The following GPHN variants were observed in gnomAD, a reference collection of about 807,000 sequenced individuals.
GPHN encodes gephyrin.
In GPHN, 17 loss-of-function variants were observed where a neutral mutation model predicts 95.5. That is an observed-to-expected ratio of 0.18 (90% CI 0.12 to 0.27). The LOEUF is 0.27. GPHN is among the 10% of genes least tolerant of loss of function. The pLI is 1.00. For missense variants in GPHN, 660 were observed against 978.1 expected, an observed-to-expected ratio of 0.67 and a Z score of 4.34; for synonymous variants, 320 against 322.5, an observed-to-expected ratio of 0.99 and a Z score of 0.08.
At chr14:67,003,249 C>T (rs1196704614) in intron 9 of GPHN, among the ~76,000 whole-genome samples, 1 of 151,606 alleles carries the variant, frequency 6.6e-6, no homozygotes, top group Non-Finnish European at 1.5e-5. Flanking sequence ...AAGCAATCAC[C>T]AGTTTATAAG....
At chr14:67,677,363 A>ATTTTTTTTTTTTTTTTTTTTTTTTTT in the GPHN span, 2 of 31,978 alleles carry the variant, frequency 6.3e-5, no homozygotes, top group Non-Finnish European at 5.1e-5. Flanking sequence ...TGTTTTTAGG[A>ATTTTTTTTTTTTTTTTTTTTTTTTTT]TTTTTTTTTT....
chr14:67,387,925 G>A, the GPHN span, among the ~76,000 whole-genome samples: 1 of 152,192 alleles, frequency 6.6e-6, no homozygotes, highest in Non-Finnish European at 1.5e-5. Flanking sequence ...AAGGTATGTT[G>A]TTAACCCTAA....
At chr14:67,209,819 GAAAAAAA>G in the GPHN span, among the ~76,000 whole-genome samples, 2 of 76,926 alleles carry the variant, frequency 2.6e-5, no homozygotes, top group Admixed American at 1.6e-4. Flanking sequence ...CTCCATCTCG[GAAAAAAA>G]AAAAAAAAAA....
At chr14:66,768,145 T>C (rs10148703) in intron 2 of GPHN, among the ~76,000 whole-genome samples, 46,037 of 151,700 alleles carry the variant, frequency 0.3, 11,450 homozygotes, top group African/African-American at 0.66. Context: ...TTACTAAAGA[T>C]AAAACTGAGT....
At chr14:67,089,263 A>G (rs2077054405) in intron 12 of GPHN, among the ~76,000 whole-genome samples, 188 bp downstream of exon 12, 1 of 150,790 alleles carries the variant, frequency 6.6e-6, no homozygotes, top group African/African-American at 2.4e-5. Flanking sequence ...TGCACCTGTA[A>G]ATTTTCTGGC....
chr14:66,920,540 T>G (rs2066163562), intron 6 of GPHN, among the ~76,000 whole-genome samples: 1 of 151,940 alleles, frequency 6.6e-6, no homozygotes, highest in Admixed American at 6.6e-5. Context: ...ATGCTTTTTT[T>G]TTTTTTAGAG....
intron 2 of GPHN, among the ~76,000 whole-genome samples, chr14:66,747,637 G>A (rs2058204320): frequency 6.6e-6 from 1 of 151,006 alleles, no homozygotes; most frequent in Non-Finnish European, 1.5e-5. Context: ...AACTGCCCCA[G>A]AGTTAATGTT....
the GPHN span, among the ~76,000 whole-genome samples, chr14:67,341,510 G>GT: frequency 6.6e-6 from 1 of 151,660 alleles, no homozygotes; most frequent in Non-Finnish European, 1.5e-5. Flanking sequence ...CGGGAGGGAG[G>GT]TGGGGGGGGT....
At chr14:67,224,627 T>A in the GPHN span, 1 of 296,936 alleles carries the variant, frequency 3.4e-6, no homozygotes. Context: ...ACTTTTAAAT[T>A]TTTTTTTTTA....
At chr14:67,219,099 T>C in the GPHN span, among the ~76,000 whole-genome samples, 1 of 151,906 alleles carries the variant, frequency 6.6e-6, no homozygotes, top group African/African-American at 2.4e-5. Context: ...TCACAGGTGG[T>C]GATTGGGGAG....
intron 2 of GPHN, among the ~76,000 whole-genome samples, chr14:66,682,668 C>T (rs557115563): frequency 1.4e-4 from 22 of 152,116 alleles, no homozygotes; most frequent in Admixed American, 5.9e-4. Context: ...GAGAATCTCT[C>T]GAACCCGGGT....
intron 6 of GPHN, among the ~76,000 whole-genome samples, chr14:66,919,306 A>G (rs2066080277): frequency 1.3e-5 from 2 of 152,168 alleles, no homozygotes; most frequent in Non-Finnish European, 2.9e-5. Flanking sequence ...ATAAATCTTT[A>G]TTCATTGTAT....
rs868275973 is a variant in GPHN, at chr14:67,113,233, A to G, written c.1626+62A>G. 5.1e-6 allele frequency: 7 copies of G among 1,378,946 alleles called. No individual in the cohort carries two copies. In the Admixed American group the frequency reaches 6.7e-5, roughly 13 times the overall value. 85.4% of individuals were successfully genotyped at this position (1,378,946 alleles called of 1,614,324 possible). A position where few individuals can be genotyped will look rare whatever the true frequency, so the allele number is the denominator to read the frequency against. On this transcript the variant is annotated intron_variant, in intron 16 of 22. Transcript: ENST00000478722. ...CCCATAAGATAAAGGTATTTCTGAC[A>G]TATGTTCTGTGTTGTAAATAGAATG... is the stretch of plus-strand genomic sequence containing the variant.
At chr14:66,540,059 A>G (rs1420872773) in intron 1 of GPHN, among the ~76,000 whole-genome samples, 3 of 152,244 alleles carry the variant, frequency 2.0e-5, no homozygotes, top group Non-Finnish European at 4.4e-5. Flanking sequence ...GTTATGCTGC[A>G]TAACAAATGA....
the GPHN span, among the ~76,000 whole-genome samples, chr14:67,614,160 C>T: frequency 1.3e-5 from 2 of 152,136 alleles, no homozygotes; most frequent in Non-Finnish European, 2.9e-5. Context: ...TGGTCCTGAA[C>T]TCCTGGGCTC....
At chr14:67,577,355 G>A in the GPHN span, 11 of 1,589,812 alleles carry the variant, frequency 6.9e-6, no homozygotes, top group East Asian at 1.6e-4. Flanking sequence ...CGGCCTATAC[G>A]CCTCCCTCAC....
the GPHN span, among the ~76,000 whole-genome samples, chr14:67,500,839 A>C: frequency 2.0e-5 from 3 of 151,888 alleles, no homozygotes; most frequent in Non-Finnish European, 4.4e-5. Flanking sequence ...CCAAAGTGCT[A>C]GGATTACAGG....
chr14:67,347,028 C>G, the GPHN span, among the ~76,000 whole-genome samples: 1 of 152,052 alleles, frequency 6.6e-6, no homozygotes, highest in Admixed American at 6.6e-5. Context: ...GCTCTGTAGC[C>G]CAGGCTGGAG....
the GPHN span, chr14:67,642,394 T>C: frequency 1.2e-6 from 2 of 1,609,336 alleles, no homozygotes; most frequent in Non-Finnish European, 1.7e-6. Flanking sequence ...GGTGAGGGGA[T>C]GGATTACATG....
Sources: allele counts gnomAD v4.1 joint callset (sites outside exome capture counted in the v4.1 genomes callset), GRCh38; gene constraint gnomAD v4.1.1; transcripts MANE v1.5; gene names NCBI Gene and HGNC (gene_info 2026-07-23, HGNC 2026-07-21).